Variants in CDKL5 observed in about 807,000 individuals in gnomAD.
The protein encoded by CDKL5 is cyclin dependent kinase like 5.
A neutral mutation model predicts 61.7 loss-of-function variants in CDKL5; 8 were observed. The ratio of observed to expected loss-of-function variants is 0.13; its 90% CI spans 0.08 to 0.23. CDKL5 has a LOEUF of 0.23. Ranked by LOEUF, CDKL5 falls within the 10% of genes least tolerant of loss-of-function variation. The pLI is 1.00. For synonymous variants in CDKL5, 275 were observed against 272.3 expected (o/e 1.01, Z -0.10); for missense variants, 440 against 734.5 (o/e 0.60, Z 4.63).
intron 1 of CDKL5, among the ~76,000 whole-genome samples, chrX:18,506,314 G>C (rs977925165): frequency 2.7e-5 from 3 of 111,229 alleles, no homozygotes; most frequent in South Asian, 7.4e-4. Flanking sequence ...CATAGCTATA[G>C]GGGTATCATT....
At chrX:18,467,538 G>T (rs751119032) in intron 1 of CDKL5, among the ~76,000 whole-genome samples, 10 of 111,661 alleles carry the variant, frequency 9.0e-5, no homozygotes, top group African/African-American at 2.9e-4. Flanking sequence ...GAAGTTAATA[G>T]GGGTTCAGGA....
intron 16 of CDKL5, among the ~76,000 whole-genome samples, chrX:18,622,770 C>T (rs1277058501): frequency 9.0e-6 from 1 of 111,313 alleles, no homozygotes; most frequent in Non-Finnish European, 1.9e-5. Flanking sequence ...ACCAGAACTG[C>T]GTTCTCCTAA....
chrX:18,560,920 C>T (rs1924784082), intron 3 of CDKL5, among the ~76,000 whole-genome samples: 1 of 111,785 alleles, frequency 8.9e-6, no homozygotes, highest in African/African-American at 3.2e-5. Flanking sequence ...AAATAGGCCT[C>T]ATACTTCTTT....
At position 18,509,199 on chromosome X, in the gene CDKL5, A is replaced by ACGCGCGCGCGCGCGCG. The variant is rs1351945385; in HGVS notation, c.65-1620_65-1619insGCGCGCGCGCGCGCGC. On this transcript the variant is annotated intron_variant, in intron 2 of 17. Transcript: ENST00000623535. ...AGAGCGAGACTGTCTCAAAACACGC[A>ACGCGCGCGCGCGCGCG]CACACACACACACACACACACACAC... Among the ~76,000 whole-genome samples, 23 of 44,922 alleles carry ACGCGCGCGCGCGCGCG rather than the reference A, an allele frequency of 5.1e-4. No individual in the cohort carries two copies. The East Asian group carries it at 8.5e-3, about 17-fold the overall frequency. 39.0% of individuals were successfully genotyped at this position (44,922 alleles called of 115,157 possible).
chrX:18,494,254 TC>T (rs766369875), intron 1 of CDKL5, among the ~76,000 whole-genome samples: 139 of 110,366 alleles, frequency 1.3e-3, no homozygotes, highest in Non-Finnish European at 2.1e-3. Flanking sequence ...TTTCTTTCTT[TC>T]TTTTTTTTTG....
chrX:18,464,133 A>G (rs1932350565), intron 1 of CDKL5, among the ~76,000 whole-genome samples: 1 of 109,784 alleles, frequency 9.1e-6, no homozygotes, highest in African/African-American at 3.3e-5. Context: ...AGCACTAGAT[A>G]TTTTCCAGTT....
At chrX:18,597,097 T>C (rs1272475709) in intron 10 of CDKL5, among the ~76,000 whole-genome samples, 3 of 110,982 alleles carry the variant, frequency 2.7e-5, no homozygotes, top group African/African-American at 9.8e-5. Flanking sequence ...GAAGCCTTCT[T>C]ATGCCCCCTT....
At chrX:18,454,473 G>T (rs1211242730) in intron 1 of CDKL5, among the ~76,000 whole-genome samples, 1 of 108,344 alleles carries the variant, frequency 9.2e-6, no homozygotes, top group Non-Finnish European at 1.9e-5. Context: ...CTGACCTCAT[G>T]ATCTGCCTGC....
intron 17 of CDKL5, among the ~76,000 whole-genome samples, chrX:18,625,933 G>T (rs1157030862): frequency 1.8e-5 from 2 of 111,443 alleles, no homozygotes; most frequent in African/African-American, 6.5e-5. Flanking sequence ...TTTTGATATT[G>T]AGTATTTTAT....
At chrX:18,489,126 GT>G in intron 1 of CDKL5, among the ~76,000 whole-genome samples, 1 of 109,760 alleles carries the variant, frequency 9.1e-6, no homozygotes, top group South Asian at 3.9e-4. Context: ...TTTTAAGTCT[GT>G]TTTTTTTGGG....
At chrX:18,559,382 T>A (rs1766565543) in intron 3 of CDKL5, among the ~76,000 whole-genome samples, 1 of 110,235 alleles carries the variant, frequency 9.1e-6, no homozygotes, top group Non-Finnish European at 1.9e-5. Flanking sequence ...CTAATTTTTG[T>A]ATTTGTAGTA....
chrX:18,509,811 A>G (rs1299510274), intron 2 of CDKL5, among the ~76,000 whole-genome samples: 1 of 110,105 alleles, frequency 9.1e-6, no homozygotes, highest in African/African-American at 3.3e-5. Flanking sequence ...AGCAAATCCT[A>G]CTAGCTATTA....
At chrX:18,623,850 A>G in intron 16 of CDKL5, 2 of 724,260 alleles carry the variant, frequency 2.8e-6, no homozygotes, top group South Asian at 1.4e-4. Context: ...TTTTTTTTGC[A>G]ATTAGTTTAT....
At chrX:18,436,919 AAAAG>A (rs1233707888) in intron 1 of CDKL5, among the ~76,000 whole-genome samples, 230 of 107,434 alleles carry the variant, frequency 2.1e-3, no homozygotes, top group Non-Finnish European at 3.0e-3. Context: ...AAAAAAAAAA[AAAAG>A]AACTGAAAGA....
chrX:18,592,914 T>C (rs970246447), intron 9 of CDKL5, among the ~76,000 whole-genome samples: 1 of 111,917 alleles, frequency 8.9e-6, no homozygotes, highest in African/African-American at 3.3e-5. Context: ...TAACAATTGA[T>C]GCCCCATAGT....
intron 1 of CDKL5, among the ~76,000 whole-genome samples, chrX:18,481,270 A>T (rs755625324): frequency 7.0e-4 from 75 of 107,829 alleles, no homozygotes; most frequent in African/African-American, 2.5e-3. Context: ...CTCATCTTGT[A>T]CATTTTTATG....
In CDKL5 at chrX:18,595,434, G is replaced by A; in HGVS notation, c.825+6G>A. ...TTCTACTTGACCTAATGAAGGTAAG[G>A]CCAATTGATATTATCTCTATAAAAT... On this transcript the variant is annotated splice_donor_region_variant and intron_variant, in intron 10 of 17. Transcript: ENST00000623535. The A allele has an allele frequency of 9.2e-7, 1 of 1,089,873 alleles. No individual in the cohort carries two copies. The highest frequency in any genetic ancestry group is 1.8e-5 in the African/African-American group (1 of 55,477). 89.8% of individuals were successfully genotyped at this position (1,089,873 alleles called of 1,213,427 possible). A position where few individuals can be genotyped will look rare whatever the true frequency, so the allele number is the denominator to read the frequency against.
rs187890750 is a variant in CDKL5, at chrX:18,587,425, G to A, written c.555-529G>A. Among the ~76,000 whole-genome samples, 16 of 111,577 alleles carry A rather than the reference G, an allele frequency of 1.4e-4. No individual in the cohort carries two copies. In the Admixed American group the frequency reaches 1.5e-3, roughly 11 times the overall value. On this transcript the variant is annotated intron_variant, in intron 8 of 17. Coordinates refer to ENST00000623535, the MANE Select transcript of CDKL5 (RefSeq NM_001323289.2). ...CAAATAAATAATATAGTAGATCTTA[G>A]CACAATCTTAGTCATCAGAAACTGT...
chrX:18,441,108 GT>G (rs1931731090), intron 1 of CDKL5, among the ~76,000 whole-genome samples: 1 of 111,159 alleles, frequency 9.0e-6, no homozygotes, highest in African/African-American at 3.3e-5. Flanking sequence ...CCTTGGTCAG[GT>G]CACAATACTA....
Sources: gnomAD v4.1 joint callset for allele counts (sites outside exome capture counted in the v4.1 genomes callset) on GRCh38, gnomAD v4.1.1 for gene constraint, MANE v1.5 for transcripts, NCBI Gene and HGNC (gene_info 2026-07-23, HGNC 2026-07-21) for gene names.